Variants in KATNAL2 observed in about 807,000 individuals in gnomAD.
KATNAL2 encodes katanin p60 ATPase-containing subunit A-like 2.
In KATNAL2, 52 loss-of-function variants were observed where a neutral mutation model predicts 76.3. The ratio of observed to expected loss-of-function variants is 0.68; its 90% CI spans 0.55 to 0.86. The LOEUF (loss-of-function observed/expected upper bound fraction) is 0.86, where lower values mean the gene tolerates loss of function less well. KATNAL2 is among the 40% of genes least tolerant of loss of function. The probability of loss-of-function intolerance (pLI) is 0.00; values close to 1 mark genes in which losing one functional copy is unlikely to be tolerated. For synonymous variants in KATNAL2, 243 were observed against 244.2 expected (o/e 1.00, Z 0.05); for missense variants, 660 against 668.9 (o/e 0.99, Z 0.15).
intron 12 of KATNAL2, 47 bp from the exon 13 acceptor site, chr18:47,069,435 G>C: frequency 6.9e-7 from 1 of 1,456,636 alleles, no homozygotes; most frequent in East Asian, 2.3e-5. Flanking sequence ...TATAAGCAGG[G>C]GGATGGAGTT....
rs1425275192 is a variant in KATNAL2, at chr18:47,033,851, C to T, written c.52-12606C>T. 3.7e-6 allele frequency: 6 copies of T among 1,613,942 alleles called. No individual in the cohort carries two copies. In the South Asian group the frequency reaches 4.4e-5, roughly 12 times the overall value. ...GAATCCGAAAGCGGATCGTAGTTGGCCTGCATCCAGGCCTCTGAGAGGTCC... is the reference window on the plus strand; with the variant it reads ...GAATCCGAAAGCGGATCGTAGTTGGTCTGCATCCAGGCCTCTGAGAGGTCC... On this transcript the variant is annotated intron_variant, in intron 3 of 17. Transcript: ENST00000683218.
chr18:46,938,908 C>G (rs1365480087), intron 1 of KATNAL2, among the ~76,000 whole-genome samples: 14 of 152,060 alleles, frequency 9.2e-5, no homozygotes, highest in African/African-American at 3.4e-4. Flanking sequence ...TATATTAATA[C>G]ATGTATTATG....
chr18:47,090,953 C>G (rs544319721), intron 15 of KATNAL2, among the ~76,000 whole-genome samples: 3 of 152,284 alleles, frequency 2.0e-5, no homozygotes, highest in East Asian at 3.9e-4. Context: ...GTTGTCCTGA[C>G]CACTCACTTC....
intron 1 of KATNAL2, among the ~76,000 whole-genome samples, chr18:46,937,662 T>C (rs1295823010): frequency 6.6e-6 from 1 of 152,204 alleles, no homozygotes; most frequent in Non-Finnish European, 1.5e-5. Context: ...TAGGAAGCAC[T>C]GACCTAGAGA....
intron 11 of KATNAL2, among the ~76,000 whole-genome samples, chr18:47,068,128 C>CCAGTGGGACTTTGG (rs1336867861): frequency 2.0e-5 from 3 of 152,210 alleles, no homozygotes; most frequent in Non-Finnish European, 2.9e-5. Flanking sequence ...TTGCTAATGT[C>CCAGTGGGACTTTGG]CCACTGGCCA....
At position 47,046,540 on chromosome 18, in the gene KATNAL2, A is replaced by G. The variant is rs1315848928; in HGVS notation, c.122+13A>G. The G allele has an allele frequency of 2.0e-6, 3 of 1,499,464 alleles. No individual in the cohort carries two copies. The South Asian group carries it at 3.6e-5, about 18-fold the overall frequency. 92.9% of individuals were successfully genotyped at this position (1,499,464 alleles called of 1,614,324 possible). On this transcript the variant is annotated intron_variant, in intron 4 of 17. Transcript: ENST00000683218. ...TAACACAAGAAGGGTATGTTACAGT[A>G]CAAACATTTATAGAGATGATTCCTC...
At chr18:47,062,782 AT>A (rs1939362899) in intron 8 of KATNAL2, among the ~76,000 whole-genome samples, 189 bp from the exon 9 acceptor site, 1 of 152,230 alleles carries the variant, frequency 6.6e-6, no homozygotes, top group South Asian at 2.1e-4. Context: ...TGTACTTACA[AT>A]TTTTTAAGGT....
intron 8 of KATNAL2, among the ~76,000 whole-genome samples, chr18:47,060,797 A>G (rs2061608211): frequency 6.6e-6 from 1 of 152,174 alleles, no homozygotes; most frequent in African/African-American, 2.4e-5. Flanking sequence ...CCTCACTTAC[A>G]TGGTAATTGC....
At chr18:47,097,449 CA>C (rs1280090652) in intron 15 of KATNAL2, among the ~76,000 whole-genome samples, 2 of 152,180 alleles carry the variant, frequency 1.3e-5, no homozygotes, top group African/African-American at 4.8e-5. Flanking sequence ...ATACGCTTGC[CA>C]AAAAATATTT....
intron 15 of KATNAL2, among the ~76,000 whole-genome samples, chr18:47,097,185 C>T (rs1389195082): frequency 6.6e-6 from 1 of 150,658 alleles, no homozygotes; most frequent in Non-Finnish European, 1.5e-5. Context: ...GCATTTGCAA[C>T]CTCTAGTGAA....
chr18:47,061,596 C>T (rs1255035020), intron 8 of KATNAL2, among the ~76,000 whole-genome samples: 1 of 152,172 alleles, frequency 6.6e-6, no homozygotes, highest in Admixed American at 6.5e-5. Flanking sequence ...TTAGGACACC[C>T]TCCCTGCAAA....
At chr18:46,949,701 C>T (rs2059493279) in intron 3 of KATNAL2, among the ~76,000 whole-genome samples, 1 of 152,232 alleles carries the variant, frequency 6.6e-6, no homozygotes, top group African/African-American at 2.4e-5. Flanking sequence ...TAGTCCCTCT[C>T]CTCTGTCCTC....
At chr18:47,077,535 CCACTT>C (rs1232482761) in intron 15 of KATNAL2, 74 bp downstream of exon 15, 20 of 993,834 alleles carry the variant, frequency 2.0e-5, no homozygotes, top group Middle Eastern at 4.3e-4. Context: ...TTTATATTGA[CCACTT>C]CAGGCAAAGC....
At position 47,101,191 on chromosome 18, in the gene KATNAL2, C is replaced by A; in HGVS notation, c.*186C>A. The A allele has an allele frequency of 1.6e-6, 1 of 617,870 alleles. No individual in the cohort carries two copies. Among genetic ancestry groups the A allele is most frequent in the Non-Finnish European group, 2.7e-6 (1 of 366,112 alleles). 38.3% of individuals were successfully genotyped at this position (617,870 alleles called of 1,614,324 possible). A position where few individuals can be genotyped will look rare whatever the true frequency, so the allele number is the denominator to read the frequency against. On this transcript the variant is annotated 3_prime_UTR_variant, in exon 18 of 18. Transcript: ENST00000683218. ...TTTATTAACTTACCATTATCGATGT[C>A]AGCAAAATATTGAGAGTTTCAGTTA...
intron 3 of KATNAL2, among the ~76,000 whole-genome samples, chr18:47,031,012 TCCC>T (rs372151610): frequency 1.5e-4 from 1 of 6,624 alleles, no homozygotes. Flanking sequence ...CTCTAGCATC[TCCC>T]CCCCCCCCCC....
chr18:47,095,195 T>G (rs1021430750), intron 15 of KATNAL2, among the ~76,000 whole-genome samples: 26 of 152,186 alleles, frequency 1.7e-4, no homozygotes, highest in African/African-American at 6.3e-4. Context: ...TCAGTGGTGT[T>G]TAGTAGGAGG....
chr18:46,930,689 C>T lies in KATNAL2; in HGVS notation c.-510+12763C>T, dbSNP rs527458333. On this transcript the variant is annotated intron_variant, in intron 1 of 17. Transcript: ENST00000683218. Reference sequence around the variant, plus strand: ...AAATTAGTGGGTGTTGTGGCAGGCACCTGTAATTCCAGCTAGTTGGGAGGC... The same window carrying T: ...AAATTAGTGGGTGTTGTGGCAGGCATCTGTAATTCCAGCTAGTTGGGAGGC... Among the ~76,000 whole-genome samples, 3 of 151,024 alleles carry T rather than the reference C, an allele frequency of 2.0e-5. No homozygotes were observed. In the East Asian group the frequency reaches 5.9e-4, roughly 30 times the overall value.
intron 3 of KATNAL2, among the ~76,000 whole-genome samples, chr18:46,954,447 C>G (rs1188205387): frequency 1.3e-5 from 2 of 150,312 alleles, no homozygotes; most frequent in Non-Finnish European, 3.0e-5. Flanking sequence ...TCTCCTGTCT[C>G]AGTCTCCTGA....
At chr18:47,097,187 T>C (rs1276531904) in intron 15 of KATNAL2, among the ~76,000 whole-genome samples, 1 of 150,792 alleles carries the variant, frequency 6.6e-6, no homozygotes, top group Non-Finnish European at 1.5e-5. Context: ...ATTTGCAACC[T>C]CTAGTGAAAT....
Sources: allele counts gnomAD v4.1 joint callset (sites outside exome capture counted in the v4.1 genomes callset), GRCh38; gene constraint gnomAD v4.1.1; transcripts MANE v1.5; gene names NCBI Gene and HGNC (gene_info 2026-07-23, HGNC 2026-07-21).